The following DMXL2 variants were observed in gnomAD, a reference collection of about 807,000 sequenced individuals.
DMXL2 encodes the protein dmX-like protein 2.
In DMXL2, 103 loss-of-function variants were observed where a neutral mutation model predicts 331.1. The ratio of observed to expected loss-of-function variants is 0.31; its 90% CI spans 0.27 to 0.37. The LOEUF (loss-of-function observed/expected upper bound fraction) is 0.37. DMXL2 is among the 10% of genes least tolerant of loss of function. DMXL2 has a pLI of 1.00. For missense variants in DMXL2, 3,171 were observed against 3,642.9 expected, an observed-to-expected ratio of 0.87 and a Z score of 3.33; for synonymous variants, 1,281 against 1,252.1, an observed-to-expected ratio of 1.02 and a Z score of -0.49.
Position 51,576,721 on chromosome 15 carries a change from G to C in DMXL2, c.88-540C>G, listed in dbSNP as rs148728334. Among the ~76,000 whole-genome samples the C allele has an allele frequency of 2.2e-3, 341 of 152,212 alleles. 1 individual carries two copies. The highest frequency in any genetic ancestry group is 3.4e-3 in the Middle Eastern group (1 of 294). ...CAATGGCTAAACTTAAATGCATCAA[G>C]ACTCAAATGAATCCACAACGCAGCC... On this transcript the variant is annotated intron_variant, in intron 1 of 43. Transcript: ENST00000560891.
At chr15:51,507,299 G>T in intron 15 of DMXL2, 46 bp from the exon 16 acceptor site, 1 of 1,539,056 alleles carries the variant, frequency 6.5e-7, no homozygotes, top group Non-Finnish European at 8.7e-7. Context: ...TGTTTTTATG[G>T]GGTTAAAAAA....
At chr15:51,577,486 C>A (rs1304765259) in intron 1 of DMXL2, among the ~76,000 whole-genome samples, 2 of 152,004 alleles carry the variant, frequency 1.3e-5, no homozygotes, top group Admixed American at 1.3e-4. Context: ...GAATTTCAAG[C>A]AAGAAAAATA....
intron 6 of DMXL2, among the ~76,000 whole-genome samples, chr15:51,556,468 T>C (rs1389336628): frequency 1.3e-5 from 2 of 151,514 alleles, no homozygotes; most frequent in Non-Finnish European, 2.9e-5. Flanking sequence ...ATGTATTTCA[T>C]CTTATTAAAA....
intron 1 of DMXL2, among the ~76,000 whole-genome samples, chr15:51,613,565 T>G (rs1204580881): frequency 6.6e-6 from 1 of 152,204 alleles, no homozygotes; most frequent in Non-Finnish European, 1.5e-5. Flanking sequence ...TTATACGAAT[T>G]CTTCTGGGAA....
rs139788071 is a variant in DMXL2, at chr15:51,465,630, T to C, written c.7542A>G (p.Thr2514=). 4.0e-4 allele frequency: 635 copies of C among 1,603,512 alleles called. 3 individuals carry two copies. The African/African-American group carries it at 7.8e-3, about 20-fold the overall frequency. ...CATTGTGAAGTGCTAGTTTAACCAT[T>C]GTCAAATGTAGAAGAGCCCAGCTGT... The part of the protein sequence containing the change: ...NSYSWALLHL[T]MVKLALHNVK... Residue 2514 remains threonine, a synonymous_variant, in exon 31 of 44, where the codon ACA becomes ACG. Coordinates refer to ENST00000560891, the MANE Select transcript of DMXL2 (RefSeq NM_001378457.1).
chr15:51,597,981 T>C (rs2052947811), intron 1 of DMXL2, among the ~76,000 whole-genome samples: 1 of 152,214 alleles, frequency 6.6e-6, no homozygotes, highest in Non-Finnish European at 1.5e-5. Context: ...ATTGTTATCA[T>C]TTTCTTATTT....
intron 2 of DMXL2, among the ~76,000 whole-genome samples, chr15:51,570,462 G>A (rs936871845): frequency 1.4e-4 from 22 of 152,076 alleles, no homozygotes; most frequent in African/African-American, 3.6e-4. Flanking sequence ...GATATTCCTC[G>A]AGAAGAGCAA....
At chr15:51,455,068 C>T in intron 40 of DMXL2, 83 bp downstream of exon 40, 1 of 1,110,832 alleles carries the variant, frequency 9.0e-7, no homozygotes, top group Non-Finnish European at 1.4e-6. Context: ...ATAGGACCAC[C>T]AATGAGATTC....
At position 51,502,938 on chromosome 15, in the gene DMXL2, G is replaced by T. The variant is rs755528376; in HGVS notation, c.2860C>A (p.Pro954Thr). 6.8e-6 allele frequency: 11 copies of T among 1,613,996 alleles called. No homozygotes were observed. In the Admixed American group the frequency reaches 1.2e-4, roughly 17 times the overall value. ...GCAATTGATGAAGAATGTGGCATGGGGCTCACACTAGGAGAGGTTTCTGGA... is the reference window on the plus strand; with the variant it reads ...GCAATTGATGAAGAATGTGGCATGGTGCTCACACTAGGAGAGGTTTCTGGA... ...SSPETSPSVS[P>T]MPHSSSIANL... The change falls in exon 17 of 44, where the codon CCC becomes ACC. Residue 954 changes from proline to threonine, a missense_variant. By Grantham distance (38) the Pro-to-Thr change is conservative. Around this residue, in one of 7 missense-constraint regions of DMXL2, gnomAD observed 1,674 missense variants for 1,780.2 expected, o/e 0.94. Coordinates refer to ENST00000560891, the MANE Select transcript of DMXL2 (RefSeq NM_001378457.1).
At chr15:51,492,191 G>A (rs552478413) in intron 19 of DMXL2, among the ~76,000 whole-genome samples, 2 of 152,320 alleles carry the variant, frequency 1.3e-5, no homozygotes, top group Admixed American at 6.5e-5. Context: ...AGGACACAAG[G>A]TGTGTTATCC....
At chr15:51,578,229 A>G (rs2051173504) in intron 1 of DMXL2, among the ~76,000 whole-genome samples, 1 of 152,166 alleles carries the variant, frequency 6.6e-6, no homozygotes, top group African/African-American at 2.4e-5. Flanking sequence ...TACTAAATGC[A>G]AAGTGTTCAA....
chr15:51,590,121 A>G (rs144458856), intron 1 of DMXL2, among the ~76,000 whole-genome samples: 2 of 152,338 alleles, frequency 1.3e-5, no homozygotes, highest in East Asian at 1.9e-4. Flanking sequence ...TGGCGTTGAC[A>G]CTTGATTCCA....
At chr15:51,576,259 C>A (rs1008159383) in intron 1 of DMXL2, 78 bp from the exon 2 acceptor site, 21 of 1,103,838 alleles carry the variant, frequency 1.9e-5, no homozygotes, top group Non-Finnish European at 2.3e-5. Flanking sequence ...ACTATTTTAT[C>A]TTAGATTTTA....
intron 1 of DMXL2, among the ~76,000 whole-genome samples, chr15:51,585,403 T>G (rs1369237558): frequency 6.6e-6 from 1 of 152,094 alleles, no homozygotes; most frequent in East Asian, 1.9e-4. Flanking sequence ...GTTTTTGTCT[T>G]TGGCTCTGTT....
chr15:51,520,516 C>T (rs903560688), intron 13 of DMXL2, among the ~76,000 whole-genome samples: 8 of 152,110 alleles, frequency 5.3e-5, no homozygotes, highest in Non-Finnish European at 1.0e-4. Context: ...ACAGGTCTTT[C>T]TTGCGTATGC....
intron 10 of DMXL2, 145 bp downstream of exon 10, chr15:51,538,068 C>G: frequency 9.4e-7 from 1 of 1,066,952 alleles, no homozygotes; most frequent in Non-Finnish European, 1.3e-6. Context: ...GTACCTGATC[C>G]AAGGCAGATG....
Position 51,576,170 on chromosome 15 carries a change from T to C in DMXL2, c.99A>G (p.Ser33=), listed in dbSNP as rs1432409282. The C allele has an allele frequency of 1.4e-5, 9 of 648,368 alleles. No individual in the cohort carries two copies. Among genetic ancestry groups the C allele is most frequent in the Non-Finnish European group, 2.0e-5 (9 of 452,266 alleles). 40.2% of individuals were successfully genotyped at this position (648,368 alleles called of 1,614,324 possible). ...VGDVPFTAYG[S]GCDIVILAND... is the part of the protein sequence containing the mutation. ...TTGCCAAAATAACAATATCACAGCCTGATCCATATGCCTAAAAAAAAAAAA... is the reference window on the plus strand; with the variant it reads ...TTGCCAAAATAACAATATCACAGCCCGATCCATATGCCTAAAAAAAAAAAA... The change falls in exon 2 of 44, where the codon TCA becomes TCG. Residue 33 remains serine, a synonymous_variant. Transcript: ENST00000560891.
chr15:51,481,719 A>T, intron 23 of DMXL2, 96 bp from the exon 24 acceptor site: 1 of 1,206,924 alleles, frequency 8.3e-7, no homozygotes. Flanking sequence ...TCAAAAAAAC[A>T]ACATGTAAAT....
intron 16 of DMXL2, among the ~76,000 whole-genome samples, chr15:51,506,915 T>G (rs1231819364): frequency 6.6e-6 from 1 of 152,246 alleles, no homozygotes; most frequent in African/African-American, 2.4e-5. Flanking sequence ...GCTTTTATTT[T>G]TTTTCAATAT....
Sources: allele counts gnomAD v4.1 joint callset (sites outside exome capture counted in the v4.1 genomes callset), GRCh38; gene constraint gnomAD v4.1.1; regional missense constraint gnomAD v4.1.1; transcripts MANE v1.5; gene names NCBI Gene and HGNC (gene_info 2026-07-23, HGNC 2026-07-21).